The following ZBTB8B variants were observed in gnomAD, a reference collection of about 807,000 sequenced individuals.
ZBTB8B encodes the protein zinc finger and BTB domain-containing protein 8B.
In ZBTB8B, 17 loss-of-function variants were observed where a neutral mutation model predicts 30.3. That is an observed-to-expected ratio of 0.56 (90% CI 0.38 to 0.84). ZBTB8B has a LOEUF of 0.84. ZBTB8B is among the 40% of genes least tolerant of loss of function. ZBTB8B has a pLI of 0.00. For missense variants in ZBTB8B, 515 were observed against 644.9 expected, an observed-to-expected ratio of 0.80 and a Z score of 2.18; for synonymous variants, 248 against 255.6, an observed-to-expected ratio of 0.97 and a Z score of 0.28.
Position 32,481,009 on chromosome 1 carries a change from CT to C in ZBTB8B, c.1111del (p.Cys371ValfsTer19). ...CACACACAGGCGAGCGGCCCTACCC[CT>C]GTGAGACCTGCGGCAAGAGGTTCAC... ...RSHTGERPYP[C>X]ETCGKRFTRQ... On this transcript the variant is annotated frameshift_variant, in exon 3 of 4. Coordinates refer to ENST00000609129, the MANE Select transcript of ZBTB8B (RefSeq NM_001145720.2). LOFTEE classifies it high-confidence loss of function. The C allele has an allele frequency of 6.4e-7, 1 of 1,552,342 alleles. No homozygotes were observed. The highest frequency in any genetic ancestry group is 1.2e-5 in the South Asian group (1 of 84,060).
chr1:32,493,768 A>G lies in ZBTB8B; in HGVS notation c.*8350A>G, dbSNP rs1643796332. The G allele has an allele frequency of 2.0e-5, 3 of 152,102 alleles. No homozygotes were observed. The highest frequency in any genetic ancestry group is 2.9e-5 in the Non-Finnish European group (2 of 68,024). 9.4% of individuals were successfully genotyped at this position (152,102 alleles called of 1,614,324 possible). A position where few individuals can be genotyped will look rare whatever the true frequency, so the allele number is the denominator to read the frequency against. On this transcript the variant is annotated 3_prime_UTR_variant, in exon 4 of 4. Transcript: ENST00000609129. Reference sequence around the variant, plus strand: ...TAAAAAATAATATAGTATGTAAATTATTTTTCAAGTAAAAATGAAATGACA... The same window carrying G: ...TAAAAAATAATATAGTATGTAAATTGTTTTTCAAGTAAAAATGAAATGACA...
Position 32,470,820 on chromosome 1 carries a change from G to T in ZBTB8B, c.196G>T (p.Ala66Ser), listed in dbSNP as rs773904132. Residue 66 changes from alanine to serine, a missense_variant, in exon 2 of 4, where the codon GCC (alanine) becomes TCC (serine). Physicochemically the swap from Ala to Ser is moderately conservative, Grantham distance 99. Transcript: ENST00000609129. The stretch of plus-strand genomic sequence containing the variant: ...CCAGGACAGCGGGCGGCATAGCACC[G>T]CCTCCTTGGACATTGTCACCTCTGA... ...YIQDSGRHST[A>S]SLDIVTSDAF... The T allele has an allele frequency of 5.2e-6, 8 of 1,551,722 alleles. No homozygotes were observed. In the African/African-American group the frequency reaches 5.5e-5, roughly 11 times the overall value.
chr1:32,481,078 T>C lies in ZBTB8B; in HGVS notation c.1170+9T>C. 1 of 1,545,090 alleles carries C rather than the reference T, an allele frequency of 6.5e-7. No homozygotes were observed. The highest frequency in any genetic ancestry group is 8.8e-7 in the Non-Finnish European group (1 of 1,142,766). ...GGAGCCACGCACTGAGTGTAAGTGT[T>C]CGAGCTGGCCATGCCCTTGTGGCAA... On this transcript the variant is annotated intron_variant, in intron 3 of 3. Coordinates refer to ENST00000609129, the MANE Select transcript of ZBTB8B (RefSeq NM_001145720.2).
At chr1:32,474,052 T>C (rs1337564566) in intron 2 of ZBTB8B, among the ~76,000 whole-genome samples, 1 of 151,722 alleles carries the variant, frequency 6.6e-6, no homozygotes, top group Non-Finnish European at 1.5e-5. Flanking sequence ...GGTTTCACCA[T>C]GTTGGCCAGG....
intron 1 of ZBTB8B, among the ~76,000 whole-genome samples, chr1:32,469,691 T>A (rs554218689): frequency 4.6e-5 from 7 of 152,334 alleles, no homozygotes; most frequent in African/African-American, 7.2e-5. Flanking sequence ...CTGGGTCATC[T>A]CCTACCCTCA....
In ZBTB8B at chr1:32,485,418, G is replaced by A; in HGVS notation, c.1488G>A (p.Ter496=). ...TATCAGACCGAGAGACACTTACGTA[G>A]CAATAAATTGGTGGGGAAGAGGAGG... ...PNLSDRETLT[*] The change falls in exon 4 of 4, where the codon TAG becomes TAA. Residue 496 remains the stop codon, a stop_retained_variant. Coordinates refer to ENST00000609129, the MANE Select transcript of ZBTB8B (RefSeq NM_001145720.2). 1 of 1,546,262 alleles carries A rather than the reference G, an allele frequency of 6.5e-7. No individual in the cohort carries two copies. Among genetic ancestry groups the A allele is most frequent in the South Asian group, 1.2e-5 (1 of 83,966 alleles).
chr1:32,477,779 G>A (rs1049708327), intron 2 of ZBTB8B, among the ~76,000 whole-genome samples: 14 of 151,914 alleles, frequency 9.2e-5, no homozygotes, highest in East Asian at 5.8e-4. Flanking sequence ...GCCCATGGCC[G>A]GGCATGGTGG....
In ZBTB8B at chr1:32,469,401, C is replaced by T. The variant is rs111833309; in HGVS notation, c.-41-1183C>T. On this transcript the variant is annotated intron_variant, in intron 1 of 3. Coordinates refer to ENST00000609129, the MANE Select transcript of ZBTB8B (RefSeq NM_001145720.2). ...GCTGGGACTCAGGTACCCGCCACCA[C>T]GCCTGGCTAATTTTTAGTAGAGATG... Among the ~76,000 whole-genome samples the T allele has an allele frequency of 8.8e-3, 1,333 of 151,942 alleles. 18 individuals are homozygous for T. The highest frequency in any genetic ancestry group is 0.03 in the African/African-American group (1,239 of 41,384).
intron 2 of ZBTB8B, 29 bp downstream of exon 2, chr1:32,471,644 G>C: frequency 6.5e-7 from 1 of 1,532,890 alleles, no homozygotes; most frequent in African/African-American, 1.4e-5. Context: ...CATCAGCCCT[G>C]CCAGTGATTG....
At chr1:32,481,595 A>G (rs189085421) in intron 3 of ZBTB8B, among the ~76,000 whole-genome samples, 13 of 152,316 alleles carry the variant, frequency 8.5e-5, no homozygotes, top group African/African-American at 3.1e-4. Flanking sequence ...ACCCGCTGAA[A>G]ACCATTCAGG....
Position 32,490,093 on chromosome 1 carries a change from G to A in ZBTB8B, c.*4675G>A, listed in dbSNP as rs1331532789. 1.3e-5 allele frequency: 2 copies of A among 152,218 alleles called. No homozygotes were observed. The highest frequency in any genetic ancestry group is 2.9e-5 in the Non-Finnish European group (2 of 68,050). The allele number at this position is 152,218 out of a possible 1,614,324, so 9.4% of individuals were successfully genotyped here. The stretch of plus-strand genomic sequence containing the variant: ...CACTGATTCTGGGAGCCGTAGGAAA[G>A]AGTGGAGTGGCCTTTGGTTAACTGA... On this transcript the variant is annotated 3_prime_UTR_variant, in exon 4 of 4. Coordinates refer to ENST00000609129, the MANE Select transcript of ZBTB8B (RefSeq NM_001145720.2).
Position 32,485,275 on chromosome 1 carries a change from T to C in ZBTB8B, c.1345T>C (p.Ser449Pro). 2 of 1,552,116 alleles carry C rather than the reference T, an allele frequency of 1.3e-6. No homozygotes were observed. Among genetic ancestry groups the C allele is most frequent in the Non-Finnish European group, 1.7e-6 (2 of 1,147,080 alleles). ...PINLSLVEAS[S>P]ESQEKSDTDN... ...CAACCTTAGCTTGGTGGAGGCTTCA[T>C]CTGAAAGCCAAGAAAAGAGCGACAC... Residue 449 changes from serine to proline, a missense_variant, in exon 4 of 4, where the codon TCT becomes CCT. Physicochemically the swap from Ser to Pro is moderately conservative, Grantham distance 74 (BLOSUM62 -1). Around this residue, in one of 3 missense-constraint regions of ZBTB8B, gnomAD observed 429 missense variants for 504.3 expected, o/e 0.85. Transcript: ENST00000609129.
rs1570267936 is a variant in ZBTB8B, at chr1:32,492,245, G to C, written c.*6827G>C. On this transcript the variant is annotated 3_prime_UTR_variant, in exon 4 of 4. Transcript: ENST00000609129. ...TATTCCATCAGTCATATTTTGATGG[G>C]AGCCTTTGGCCATCTGGCAAACACC... 2 of 153,400 alleles carry C rather than the reference G, an allele frequency of 1.3e-5. No homozygotes were observed. Among genetic ancestry groups the C allele is most frequent in the Admixed American group, 1.3e-4 (2 of 15,258 alleles). 9.5% of individuals were successfully genotyped at this position (153,400 alleles called of 1,614,324 possible).
At position 32,485,597 on chromosome 1, in the gene ZBTB8B, A is replaced by G. The variant is rs1210823286; in HGVS notation, c.*179A>G. 2 of 674,122 alleles carry G rather than the reference A, an allele frequency of 3.0e-6. No homozygotes were observed. The highest frequency in any genetic ancestry group is 4.9e-6 in the Non-Finnish European group (2 of 408,912). The allele number at this position is 674,122 out of a possible 1,614,324, so 41.8% of individuals were successfully genotyped here. On this transcript the variant is annotated 3_prime_UTR_variant, in exon 4 of 4. Transcript: ENST00000609129. ...GGATTTTGTGACTCAAAGGACAGATAACCTTTTTGTGTGGTGCCCTTGGTT... is the reference window on the plus strand; with the variant it reads ...GGATTTTGTGACTCAAAGGACAGATGACCTTTTTGTGTGGTGCCCTTGGTT...
intron 1 of ZBTB8B, 75 bp from the exon 2 acceptor site, chr1:32,470,509 A>AAG: frequency 9.5e-7 from 1 of 1,048,018 alleles, no homozygotes; most frequent in South Asian, 1.8e-5. Flanking sequence ...CAAAAAAAAA[A>AAG]AAAAAAAAAA....
chr1:32,493,178 C>G lies in ZBTB8B; in HGVS notation c.*7760C>G, dbSNP rs1248462109. On this transcript the variant is annotated 3_prime_UTR_variant, in exon 4 of 4. Transcript: ENST00000609129. ...TTTGTTTTTTTGACAGACTCTCACT[C>G]TGTCGCCAGGCTGGAGTGCAGTGGC... The G allele has an allele frequency of 1.3e-5, 2 of 152,094 alleles. No homozygotes were observed. Among genetic ancestry groups the G allele is most frequent in the Non-Finnish European group, 2.9e-5 (2 of 68,060 alleles). The allele number at this position is 152,094 out of a possible 1,614,324, so 9.4% of individuals were successfully genotyped here. A position where few individuals can be genotyped will look rare whatever the true frequency, so the allele number is the denominator to read the frequency against.
rs559210901 is a variant in ZBTB8B, at chr1:32,491,491, G to A, written c.*6073G>A. On this transcript the variant is annotated 3_prime_UTR_variant, in exon 4 of 4. Transcript: ENST00000609129. ...ATGGGAAGCACTGCTTACTAGCAAG[G>A]CAGAACCAGTTGCTCTTCTCTGAAA... 1 of 152,314 alleles carries A rather than the reference G, an allele frequency of 6.6e-6. No individual in the cohort carries two copies. The highest frequency in any genetic ancestry group is 2.4e-5 in the African/African-American group (1 of 41,574). 9.4% of individuals were successfully genotyped at this position (152,314 alleles called of 1,614,324 possible).
chr1:32,480,676 T>C (rs1458301752), intron 2 of ZBTB8B, among the ~76,000 whole-genome samples: 1 of 152,208 alleles, frequency 6.6e-6, no homozygotes, highest in East Asian at 1.9e-4. Flanking sequence ...CCCGACATTA[T>C]AAGAAGTCCA....
At chr1:32,472,928 AT>A (rs1643635479) in intron 2 of ZBTB8B, among the ~76,000 whole-genome samples, 1 of 152,206 alleles carries the variant, frequency 6.6e-6, no homozygotes, top group South Asian at 2.1e-4. Context: ...ACTTGAGACT[AT>A]TTTAGAGCCA....
Sources: gnomAD v4.1 joint callset for allele counts (sites outside exome capture counted in the v4.1 genomes callset) on GRCh38, gnomAD v4.1.1 for gene constraint, gnomAD v4.1.1 regional missense constraint, MANE v1.5 for transcripts, NCBI Gene and HGNC (gene_info 2026-07-23, HGNC 2026-07-21) for gene names.